Variants in ACACA observed in about 807,000 individuals in gnomAD.
ACACA encodes the protein acetyl-CoA carboxylase 1.
In ACACA, 103 loss-of-function variants were observed where a neutral mutation model predicts 296.1. The observed-to-expected ratio is 0.35, with a 90% CI of 0.30 to 0.41. The LOEUF (loss-of-function observed/expected upper bound fraction) is 0.41, where lower values mean the gene tolerates loss of function less well. Ranked by LOEUF, ACACA falls within the 10% of genes least tolerant of loss-of-function variation. The pLI is 1.00. For missense variants in ACACA, 1,554 were observed against 2,989.7 expected (o/e 0.52, Z 11.20); for synonymous variants, 953 against 1,038.6 (o/e 0.92, Z 1.58).
chr17:37,267,887 A>C (rs777599547), intron 10 of ACACA, among the ~76,000 whole-genome samples: 2 of 152,014 alleles, frequency 1.3e-5, no homozygotes, highest in East Asian at 1.9e-4. Flanking sequence ...CAGCCACCCA[A>C]GTAGCTGGGA....
At chr17:37,115,821 T>C (rs1480832532) in intron 50 of ACACA, among the ~76,000 whole-genome samples, 4 of 152,230 alleles carry the variant, frequency 2.6e-5, no homozygotes, top group Non-Finnish European at 4.4e-5. Flanking sequence ...AACATGATTA[T>C]ATATACACAC....
intron 2 of ACACA, among the ~76,000 whole-genome samples, chr17:37,333,720 C>A (rs2047988023): frequency 6.6e-6 from 1 of 150,796 alleles, no homozygotes; most frequent in Non-Finnish European, 1.5e-5. Flanking sequence ...ATAGTCAGGG[C>A]CTGTGAAGTG....
At position 37,113,357 on chromosome 17, in the gene ACACA, G is replaced by T. The variant is rs1214549842; in HGVS notation, c.6275-92C>A. 3.7e-6 allele frequency: 5 copies of T among 1,361,546 alleles called. No individual in the cohort carries two copies. The highest frequency in any genetic ancestry group is 4.1e-6 in the Non-Finnish European group (4 of 971,482). The allele number at this position is 1,361,546 out of a possible 1,614,324, so 84.3% of individuals were successfully genotyped here. A position where few individuals can be genotyped will look rare whatever the true frequency, so the allele number is the denominator to read the frequency against. ...TGTTCAGGACCTCTGGCCACGAAGAGCCTCCTTATACTATGCCTCCTGTTT... is the reference window on the plus strand; with the variant it reads ...TGTTCAGGACCTCTGGCCACGAAGATCCTCCTTATACTATGCCTCCTGTTT... On this transcript the variant is annotated intron_variant, in intron 50 of 55. Transcript: ENST00000616317. The surrounding 1 kb of genome is among the most constrained non-coding windows in gnomAD (Gnocchi z 4.0).
At chr17:37,142,096 G>A (rs1268038029) in intron 45 of ACACA, among the ~76,000 whole-genome samples, 1 of 151,120 alleles carries the variant, frequency 6.6e-6, no homozygotes, top group Non-Finnish European at 1.5e-5. Context: ...GATAATTTCC[G>A]AGTCTGTATT....
chr17:37,200,339 T>C, intron 34 of ACACA, 88 bp downstream of exon 34: 1 of 1,400,958 alleles, frequency 7.1e-7, no homozygotes, highest in Non-Finnish European at 1.0e-6. Context: ...TAAATCCTAT[T>C]AGTAAGTATA....
chr17:37,268,791 T>C, intron 10 of ACACA, among the ~76,000 whole-genome samples: 1 of 146,402 alleles, frequency 6.8e-6, no homozygotes, highest in South Asian at 2.2e-4. Context: ...TTCTAGTTTG[T>C]TCCCAATGGG....
chr17:37,381,674 CT>C lies in ACACA; in HGVS notation c.38+24587del, dbSNP rs569762607. On this transcript the variant is annotated intron_variant, in intron 1 of 55. Coordinates refer to ENST00000616317, the MANE Select transcript of ACACA (RefSeq NM_198834.3). ...ACAGAGTCTCGCTCCGTTGCCCAGG[CT>C]GGAGTGCAGTGGTGCGATCTCAGCT... Among the ~76,000 whole-genome samples, 341 of 142,832 alleles carry C rather than the reference CT, an allele frequency of 2.4e-3. 4 individuals carry two copies. The highest frequency in any genetic ancestry group is 8.6e-3 in the African/African-American group (326 of 37,884). The allele number at this position is 142,832 out of a possible 152,430, so 93.7% of individuals were successfully genotyped here.
intron 3 of ACACA, among the ~76,000 whole-genome samples, chr17:37,305,904 GTTTTTTTTTTTT>G (rs200591761): frequency 1.0e-5 from 1 of 95,808 alleles, no homozygotes; most frequent in Non-Finnish European, 2.2e-5. Flanking sequence ...TTTTTTTTTT[GTTTTTTTTTTTT>G]TTTTTTTTTT....
At chr17:37,249,893 G>C (rs556221122) in intron 16 of ACACA, among the ~76,000 whole-genome samples, 3 of 152,192 alleles carry the variant, frequency 2.0e-5, no homozygotes, top group Non-Finnish European at 2.9e-5. Context: ...GAATCATGGG[G>C]GCGGTTCCCC....
intron 45 of ACACA, chr17:37,143,786 C>T (rs2143908365): frequency 3.7e-6 from 4 of 1,071,124 alleles, no homozygotes; most frequent in East Asian, 2.4e-5. Flanking sequence ...CCCTTTTTTG[C>T]TGCATCAGGC....
chr17:37,369,911 G>A (rs535000307), intron 1 of ACACA, among the ~76,000 whole-genome samples: 7 of 151,928 alleles, frequency 4.6e-5, no homozygotes, highest in Non-Finnish European at 8.8e-5. Context: ...TCACCACGTT[G>A]GCCAGGCTGG....
chr17:37,406,218 T>C (rs373445343), intron 1 of ACACA, 44 bp downstream of exon 1: 1 of 1,605,218 alleles, frequency 6.2e-7, no homozygotes, highest in Non-Finnish European at 8.5e-7. Context: ...TGGTAGCTAT[T>C]AGAATCATCA....
chr17:37,335,669 C>T (rs908224793), intron 2 of ACACA, among the ~76,000 whole-genome samples: 12 of 152,132 alleles, frequency 7.9e-5, no homozygotes, highest in African/African-American at 2.9e-4. Flanking sequence ...GGCGGAGTAG[C>T]TACTGGCATT....
chr17:37,304,957 AATATG>A (rs1283025544), intron 3 of ACACA, among the ~76,000 whole-genome samples: 1 of 152,086 alleles, frequency 6.6e-6, no homozygotes, highest in African/African-American at 2.4e-5. Context: ...AAAATAAATA[AATATG>A]TTTTTAAAAA....
At chr17:37,193,446 G>C in intron 35 of ACACA, 31 bp from the exon 36 acceptor site, 1 of 1,518,842 alleles carries the variant, frequency 6.6e-7, no homozygotes, top group South Asian at 1.1e-5. Context: ...AAATGTGTCA[G>C]TAGTTCATAG....
intron 1 of ACACA, among the ~76,000 whole-genome samples, chr17:37,390,252 AT>A (rs1568095307): frequency 1.6e-3 from 51 of 31,762 alleles, no homozygotes; most frequent in African/African-American, 0.012. Flanking sequence ...TTATATATAT[AT>A]TATATATAAT....
intron 1 of ACACA, among the ~76,000 whole-genome samples, chr17:37,340,894 T>G (rs1476864945): frequency 6.6e-6 from 1 of 152,190 alleles, no homozygotes; most frequent in East Asian, 1.9e-4. Flanking sequence ...CCTCCTCATC[T>G]GTAAAAATAA....
chr17:37,302,349 A>G (rs1941089319), intron 3 of ACACA, among the ~76,000 whole-genome samples: 1 of 152,024 alleles, frequency 6.6e-6, no homozygotes, highest in Non-Finnish European at 1.5e-5. Flanking sequence ...AGCTGGGATT[A>G]CAGGTGACTG....
chr17:37,251,991 G>A lies in ACACA; in HGVS notation c.2081+14C>T. 1.2e-6 allele frequency: 2 copies of A among 1,610,512 alleles called. No individual in the cohort carries two copies. The highest frequency in any genetic ancestry group is 1.1e-5 in the South Asian group (1 of 91,032). On this transcript the variant is annotated intron_variant, in intron 16 of 55. Transcript: ENST00000616317. ...ATTGATTAGTTTGTGTAGCCTACAA[G>A]AAACAAAGCCTACCTTTCTAAGGAG... is the stretch of plus-strand genomic sequence containing the variant.
Sources: allele counts gnomAD v4.1 joint callset (sites outside exome capture counted in the v4.1 genomes callset), GRCh38; gene constraint gnomAD v4.1.1; non-coding constraint Gnocchi (gnomAD v3.1); transcripts MANE v1.5; gene names NCBI Gene and HGNC (gene_info 2026-07-23, HGNC 2026-07-21).